Variants in OR2M4 observed in about 807,000 individuals in gnomAD.
OR2M4 encodes olfactory receptor family 2 subfamily M member 4.
Under a neutral mutation model 13.7 loss-of-function variants are expected in OR2M4, and 8 were observed. That is an observed-to-expected ratio of 0.58 (90% CI 0.34 to 1.05). The LOEUF (loss-of-function observed/expected upper bound fraction) is 1.05. OR2M4 is among the 50% of genes least tolerant of loss of function. The probability of loss-of-function intolerance (pLI) is 0.02; values close to 1 mark genes in which losing one functional copy is unlikely to be tolerated. For synonymous variants in OR2M4, 152 were observed against 141.3 expected, an observed-to-expected ratio of 1.08 and a Z score of -0.53; for missense variants, 374 against 381.6, an observed-to-expected ratio of 0.98 and a Z score of 0.17.
At chr1:248,234,576 G>A (rs555505316) in intron 1 of OR2M4, among the ~76,000 whole-genome samples, 2 of 152,074 alleles carry the variant, frequency 1.3e-5, no homozygotes, top group Non-Finnish European at 2.9e-5. Flanking sequence ...CCATTCTATA[G>A]GTTGCCTGTT....
chr1:248,238,667 A>G (rs1224582902), intron 1 of OR2M4, among the ~76,000 whole-genome samples: 1 of 152,172 alleles, frequency 6.6e-6, no homozygotes, highest in Non-Finnish European at 1.5e-5. Context: ...TATACACTTC[A>G]GCATTCTTGT....
chr1:248,235,072 C>T (rs1355734860), intron 1 of OR2M4, among the ~76,000 whole-genome samples: 1 of 152,044 alleles, frequency 6.6e-6, no homozygotes, highest in Non-Finnish European at 1.5e-5. Context: ...ATGATAAAAC[C>T]TTTGCCCATG....
intron 1 of OR2M4, 141 bp from the exon 2 acceptor site, chr1:248,238,768 AT>A: frequency 1.7e-6 from 1 of 591,396 alleles, no homozygotes; most frequent in Non-Finnish European, 3.0e-6. Flanking sequence ...AATCCACACA[AT>A]TTACCATGAC....
rs987257053 is a variant in OR2M4, at chr1:248,240,094, G to C, written c.*230G>C. 1 of 375,682 alleles carries C rather than the reference G, an allele frequency of 2.7e-6. No individual in the cohort carries two copies. The highest frequency in any genetic ancestry group is 2.1e-5 in the African/African-American group (1 of 47,638). 23.3% of individuals were successfully genotyped at this position (375,682 alleles called of 1,614,324 possible). ...CTGTGAATGACAATTATATTATTAG[G>C]TGTCACACATGGGTGGTACTTGATT... On this transcript the variant is annotated 3_prime_UTR_variant, in exon 2 of 2. Transcript: ENST00000641868.
chr1:248,234,623 T>G (rs1250283657), intron 1 of OR2M4, among the ~76,000 whole-genome samples: 5 of 152,010 alleles, frequency 3.3e-5, no homozygotes, highest in Admixed American at 6.6e-5. Context: ...CTGAAACACC[T>G]TCATTCATGT....
In OR2M4 at chr1:248,231,551, T is replaced by C. The variant is rs963839320; in HGVS notation, c.-49T>C. The C allele has an allele frequency of 1.3e-5, 2 of 152,204 alleles. No individual in the cohort carries two copies. The highest frequency in any genetic ancestry group is 2.9e-5 in the Non-Finnish European group (2 of 68,028). 9.4% of individuals were successfully genotyped at this position (152,204 alleles called of 1,614,324 possible). A position where few individuals can be genotyped will look rare whatever the true frequency, so the allele number is the denominator to read the frequency against. On this transcript the variant is annotated 5_prime_UTR_variant, in exon 1 of 2. Transcript: ENST00000641868. ...CAGAGTATAAAGAACCCAGAACTGA[T>C]TTGGCGAATTTTCCCCTTGATCACC... is the stretch of plus-strand genomic sequence containing the variant.
rs563819909 is a variant in OR2M4, at chr1:248,240,650, G to A, written c.*786G>A. ...AGCAATTTAACAATAATCCATACAC[G>A]AACAACACATTCATGAGAGCCAAAA... is the stretch of plus-strand genomic sequence containing the variant. On this transcript the variant is annotated 3_prime_UTR_variant, in exon 2 of 2. Coordinates refer to ENST00000641868, the MANE Select transcript of OR2M4 (RefSeq NM_017504.2). 2 of 152,106 alleles carry A rather than the reference G, an allele frequency of 1.3e-5. No homozygotes were observed. Among genetic ancestry groups the A allele is most frequent in the South Asian group, 2.1e-4 (1 of 4,824 alleles). The allele number at this position is 152,106 out of a possible 1,614,324, so 9.4% of individuals were successfully genotyped here.
chr1:248,234,401 G>T (rs146661001), intron 1 of OR2M4, among the ~76,000 whole-genome samples: 5 of 151,970 alleles, frequency 3.3e-5, no homozygotes, highest in Admixed American at 2.0e-4. Context: ...CCGTCACCTA[G>T]GTATTAAGCC....
chr1:248,235,717 T>A (rs556852321), intron 1 of OR2M4, among the ~76,000 whole-genome samples: 13 of 152,292 alleles, frequency 8.5e-5, no homozygotes, highest in African/African-American at 3.1e-4. Context: ...GCCCTTCACA[T>A]CCCTTGTTAG....
At chr1:248,236,816 G>A (rs1289029921) in intron 1 of OR2M4, among the ~76,000 whole-genome samples, 1 of 152,088 alleles carries the variant, frequency 6.6e-6, no homozygotes, top group East Asian at 1.9e-4. Flanking sequence ...AAATCTAGAA[G>A]AAATGGATAA....
chr1:248,238,262 G>A (rs980299412), intron 1 of OR2M4, among the ~76,000 whole-genome samples: 4 of 152,116 alleles, frequency 2.6e-5, no homozygotes, highest in African/African-American at 4.8e-5. Context: ...ATAAGTGAAC[G>A]ATTTAGTCTT....
In OR2M4 at chr1:248,243,971, A is replaced by C. The variant is rs1666642702; in HGVS notation, c.*4107A>C. The C allele has an allele frequency of 6.6e-6, 1 of 152,224 alleles. No homozygotes were observed. Among genetic ancestry groups the C allele is most frequent in the Non-Finnish European group, 1.5e-5 (1 of 68,030 alleles). 9.4% of individuals were successfully genotyped at this position (152,224 alleles called of 1,614,324 possible). ...GGTCATCATAGTTAGTTATGAGAGA[A>C]ATGCAAATCAAAACCTAAATGAGAG... On this transcript the variant is annotated 3_prime_UTR_variant, in exon 2 of 2. Transcript: ENST00000641868.
rs1399829723 is a variant in OR2M4, at chr1:248,241,102, C to T, written c.*1238C>T. The T allele has an allele frequency of 6.6e-6, 1 of 152,120 alleles. No homozygotes were observed. Among genetic ancestry groups the T allele is most frequent in the African/African-American group, 2.4e-5 (1 of 41,388 alleles). 9.4% of individuals were successfully genotyped at this position (152,120 alleles called of 1,614,324 possible). On this transcript the variant is annotated 3_prime_UTR_variant, in exon 2 of 2. Coordinates refer to ENST00000641868, the MANE Select transcript of OR2M4 (RefSeq NM_017504.2). ...GGTGAGTCCTAGTGCTGAATTGGGC[C>T]CCGAGATAGTGGACTGTGCGGCGGG...
chr1:248,234,763 T>C (rs1171587288), intron 1 of OR2M4, among the ~76,000 whole-genome samples: 3 of 151,838 alleles, frequency 2.0e-5, no homozygotes, highest in Admixed American at 6.6e-5. Flanking sequence ...TGATCAGTGA[T>C]GTTGAGCCTT....
At chr1:248,237,049 CCTAA>C (rs1480366785) in intron 1 of OR2M4, among the ~76,000 whole-genome samples, 7 of 152,174 alleles carry the variant, frequency 4.6e-5, no homozygotes, top group African/African-American at 1.7e-4. Flanking sequence ...GGGACTTCTT[CCTAA>C]CTCATTTATG....
Position 248,243,544 on chromosome 1 carries a change from C to G in OR2M4, c.*3680C>G, listed in dbSNP as rs937468886. On this transcript the variant is annotated 3_prime_UTR_variant, in exon 2 of 2. Transcript: ENST00000641868. ...GCAGAGGCCACAGCAGAGAGAGCTA[C>G]CTTTCAGCATGTACAGAAATTAACT... is the stretch of plus-strand genomic sequence containing the variant. The G allele has an allele frequency of 6.6e-6, 1 of 152,188 alleles. No individual in the cohort carries two copies. The highest frequency in any genetic ancestry group is 2.4e-5 in the African/African-American group (1 of 41,428). 9.4% of individuals were successfully genotyped at this position (152,188 alleles called of 1,614,324 possible). A position where few individuals can be genotyped will look rare whatever the true frequency, so the allele number is the denominator to read the frequency against.
At position 248,244,664 on chromosome 1, in the gene OR2M4, G is replaced by A. The variant is rs746218461; in HGVS notation, c.*4800G>A. On this transcript the variant is annotated 3_prime_UTR_variant, in exon 2 of 2. Transcript: ENST00000641868. ...TGAAATATACACATGTAACAAACAC[G>A]CACATGTACCCACTGTGTCTAAAAT... The A allele has an allele frequency of 2.0e-5, 3 of 151,992 alleles. No individual in the cohort carries two copies. The highest frequency in any genetic ancestry group is 1.9e-4 in the East Asian group (1 of 5,198). The allele number at this position is 151,992 out of a possible 1,614,324, so 9.4% of individuals were successfully genotyped here. A position where few individuals can be genotyped will look rare whatever the true frequency, so the allele number is the denominator to read the frequency against.
At chr1:248,236,943 G>T (rs1666562976) in intron 1 of OR2M4, among the ~76,000 whole-genome samples, 1 of 152,158 alleles carries the variant, frequency 6.6e-6, no homozygotes, top group Non-Finnish European at 1.5e-5. Context: ...ACCAAAAAAT[G>T]CCCAGGACCA....
Position 248,240,730 on chromosome 1 carries a change from T to C in OR2M4, c.*866T>C, listed in dbSNP as rs1453008745. Reference sequence around the variant, plus strand: ...TAACTTTATATCACTGAAGAGGCAGTGAAGAGGTAGAAAAAACAACTTGAA... The same window carrying C: ...TAACTTTATATCACTGAAGAGGCAGCGAAGAGGTAGAAAAAACAACTTGAA... On this transcript the variant is annotated 3_prime_UTR_variant, in exon 2 of 2. Coordinates refer to ENST00000641868, the MANE Select transcript of OR2M4 (RefSeq NM_017504.2). The C allele has an allele frequency of 8.5e-5, 13 of 152,134 alleles. No homozygotes were observed. The highest frequency in any genetic ancestry group is 1.8e-4 in the Non-Finnish European group (12 of 68,040). The allele number at this position is 152,134 out of a possible 1,614,324, so 9.4% of individuals were successfully genotyped here.
Sources: gnomAD v4.1 joint callset for allele counts (sites outside exome capture counted in the v4.1 genomes callset) on GRCh38, gnomAD v4.1.1 for gene constraint, MANE v1.5 for transcripts, NCBI Gene and HGNC (gene_info 2026-07-23, HGNC 2026-07-21) for gene names.